Variants in ZNF480 observed in about 807,000 individuals in gnomAD.
ZNF480 encodes the protein zinc finger protein 480.
Under a neutral mutation model 14.4 loss-of-function variants are expected in ZNF480, and 15 were observed. The ratio of observed to expected loss-of-function variants is 1.04; its 90% CI spans 0.70 to 1.60. The LOEUF (loss-of-function observed/expected upper bound fraction) is 1.60, where lower values mean the gene tolerates loss of function less well. Among genes scored for constraint, ZNF480 ranks in the 40% most tolerant of loss-of-function variants. ZNF480 has a pLI of 0.00. For synonymous variants in ZNF480, 218 were observed against 215.5 expected, an observed-to-expected ratio of 1.01 and a Z score of -0.10; for missense variants, 593 against 629.7, an observed-to-expected ratio of 0.94 and a Z score of 0.62.
intron 2 of ZNF480, among the ~76,000 whole-genome samples, chr19:52,311,528 T>C (rs922789468): frequency 2.0e-5 from 3 of 152,180 alleles, no homozygotes; most frequent in Non-Finnish European, 4.4e-5. Flanking sequence ...AGTTCAACTT[T>C]CTGTGTTTTT....
At position 52,325,387 on chromosome 19, in the gene ZNF480, A is replaced by G. The variant is rs321935; in HGVS notation, c.*2529A>G. On this transcript the variant is annotated 3_prime_UTR_variant, in exon 5 of 5. Transcript: ENST00000595962. The stretch of plus-strand genomic sequence containing the variant: ...CAGCGATTTCTCAAAGACATAAAAG[A>G]ACATAGCATTCAACCCAGCATCCCA... 1 of 152,132 alleles carries G rather than the reference A, an allele frequency of 6.6e-6. No individual in the cohort carries two copies. Among genetic ancestry groups the G allele is most frequent in the East Asian group, 1.9e-4 (1 of 5,182 alleles). 9.4% of individuals were successfully genotyped at this position (152,132 alleles called of 1,614,324 possible). A position where few individuals can be genotyped will look rare whatever the true frequency, so the allele number is the denominator to read the frequency against.
At position 52,322,466 on chromosome 19, in the gene ZNF480, A is replaced by G; in HGVS notation, c.1216A>G (p.Lys406Glu). The G allele has an allele frequency of 1.2e-6, 2 of 1,614,088 alleles. No homozygotes were observed. Among genetic ancestry groups the G allele is most frequent in the Non-Finnish European group, 1.7e-6 (2 of 1,179,968 alleles). Reference protein sequence around the residue: ...EKPYKCNECGKVFNQLSNLAR... With the variant: ...EKPYKCNECGEVFNQLSNLAR... ...ACCTTACAAATGTAATGAATGTGGA[A>G]AAGTATTTAATCAACTTTCAAATCT... The change falls in exon 5 of 5, where the codon AAA becomes GAA. Residue 406 changes from lysine to glutamate, a missense_variant. Lys to Glu is a moderately conservative substitution (Grantham distance 56). Transcript: ENST00000595962.
At chr19:52,320,762 G>C (rs547850191) in intron 4 of ZNF480, among the ~76,000 whole-genome samples, 1 of 152,234 alleles carries the variant, frequency 6.6e-6, no homozygotes, top group Admixed American at 6.5e-5. Context: ...TTGTACTCCA[G>C]CCTGGGCAAC....
At chr19:52,306,620 C>A (rs887536296) in intron 2 of ZNF480, among the ~76,000 whole-genome samples, 6 of 152,208 alleles carry the variant, frequency 3.9e-5, no homozygotes, top group Non-Finnish European at 5.9e-5. Context: ...CAGCAACATT[C>A]TTTAACAGTC....
intron 2 of ZNF480, among the ~76,000 whole-genome samples, chr19:52,313,479 A>G (rs898076545): frequency 3.3e-5 from 5 of 151,534 alleles, no homozygotes; most frequent in Non-Finnish European, 7.4e-5. Context: ...GGACATTGTC[A>G]TCTCCAAAGA....
intron 2 of ZNF480, among the ~76,000 whole-genome samples, chr19:52,302,846 G>C (rs1982760769): frequency 6.6e-6 from 1 of 152,204 alleles, no homozygotes; most frequent in Non-Finnish European, 1.5e-5. Context: ...CATTAACATG[G>C]GTTAAATTGT....
rs1427543143 is a variant in ZNF480, at chr19:52,324,429, G to T, written c.*1571G>T. 6.6e-6 allele frequency: 1 copy of T among 152,032 alleles called. No homozygotes were observed. Among genetic ancestry groups the T allele is most frequent in the Non-Finnish European group, 1.5e-5 (1 of 67,986 alleles). 9.4% of individuals were successfully genotyped at this position (152,032 alleles called of 1,614,324 possible). ...AATGGCATTTTTCACAGAATCAGAA[G>T]AAAACATTCTGAAATTTATTTGGAA... On this transcript the variant is annotated 3_prime_UTR_variant, in exon 5 of 5. Coordinates refer to ENST00000595962, the MANE Select transcript of ZNF480 (RefSeq NM_144684.4).
chr19:52,322,970 G>T lies in ZNF480; in HGVS notation c.*112G>T. ...TTTGCAAATGTAAAGAATATGACAA[G>T]GTCTTCAAACACAAGTTTTTCTAAT... On this transcript the variant is annotated 3_prime_UTR_variant, in exon 5 of 5. Coordinates refer to ENST00000595962, the MANE Select transcript of ZNF480 (RefSeq NM_144684.4). 1.1e-6 allele frequency: 1 copy of T among 898,092 alleles called. No individual in the cohort carries two copies. Among genetic ancestry groups the T allele is most frequent in the Non-Finnish European group, 1.6e-6 (1 of 635,020 alleles). The allele number at this position is 898,092 out of a possible 1,614,324, so 55.6% of individuals were successfully genotyped here. A position where few individuals can be genotyped will look rare whatever the true frequency, so the allele number is the denominator to read the frequency against.
chr19:52,306,336 C>T (rs1982927296), intron 2 of ZNF480, among the ~76,000 whole-genome samples: 1 of 152,146 alleles, frequency 6.6e-6, no homozygotes, highest in Non-Finnish European at 1.5e-5. Flanking sequence ...TGTTCCCTGC[C>T]TGAAGTGATT....
At chr19:52,303,044 A>G (rs918536621) in intron 2 of ZNF480, among the ~76,000 whole-genome samples, 1 of 152,216 alleles carries the variant, frequency 6.6e-6, no homozygotes, top group African/African-American at 2.4e-5. Flanking sequence ...TGAAATCATA[A>G]CTGAGCATTT....
In ZNF480 at chr19:52,324,314, T is replaced by C. The variant is rs1983990944; in HGVS notation, c.*1456T>C. ...ATCAGAAACAATAAAAATTGAAAAA[T>C]ATCTCATGCTCATGGATAGGAAGAA... On this transcript the variant is annotated 3_prime_UTR_variant, in exon 5 of 5. Coordinates refer to ENST00000595962, the MANE Select transcript of ZNF480 (RefSeq NM_144684.4). 6.6e-6 allele frequency: 1 copy of C among 151,952 alleles called. No individual in the cohort carries two copies. The highest frequency in any genetic ancestry group is 2.4e-5 in the African/African-American group (1 of 41,374). 9.4% of individuals were successfully genotyped at this position (151,952 alleles called of 1,614,324 possible). A position where few individuals can be genotyped will look rare whatever the true frequency, so the allele number is the denominator to read the frequency against.
At chr19:52,300,877 G>T in intron 2 of ZNF480, 1 of 227,972 alleles carries the variant, frequency 4.4e-6, no homozygotes, top group Non-Finnish European at 8.8e-6. Flanking sequence ...ACAGTCTTTG[G>T]CTAATTATCT....
chr19:52,318,452 C>T (rs982066143), intron 4 of ZNF480, among the ~76,000 whole-genome samples: 1 of 152,130 alleles, frequency 6.6e-6, no homozygotes, highest in Non-Finnish European at 1.5e-5. Context: ...ATATGATATG[C>T]AAATATTTTC....
Position 52,321,649 on chromosome 19 carries a change from C to T in ZNF480, c.399C>T (p.His133=), listed in dbSNP as rs781377780. Residue 133 remains histidine (H), a synonymous_variant, in exon 5 of 5, where the codon CAC becomes CAT. Coordinates refer to ENST00000595962, the MANE Select transcript of ZNF480 (RefSeq NM_144684.4). The part of the protein sequence containing the change: ...PIKKQLGVSF[H]LHLSELELFP... ...AAAAACAACTTGGAGTATCCTTTCA[C>T]TTACATCTGTCTGAACTGGAGCTAT... 1 of 1,613,298 alleles carries T rather than the reference C, an allele frequency of 6.2e-7. No homozygotes were observed. Among genetic ancestry groups the T allele is most frequent in the South Asian group, 1.1e-5 (1 of 90,948 alleles).
chr19:52,319,785 T>C (rs170413), intron 4 of ZNF480, among the ~76,000 whole-genome samples: 4 of 151,740 alleles, frequency 2.6e-5, no homozygotes, highest in Non-Finnish European at 2.9e-5. Flanking sequence ...CTGTTTTTTG[T>C]TTTTGGTCTT....
chr19:52,309,832 C>T (rs532706332), intron 2 of ZNF480, among the ~76,000 whole-genome samples: 11 of 152,204 alleles, frequency 7.2e-5, no homozygotes, highest in South Asian at 4.1e-4. Context: ...CAAAATGGTC[C>T]GGGGCTTCCT....
intron 2 of ZNF480, among the ~76,000 whole-genome samples, chr19:52,307,958 T>C (rs1983034686): frequency 6.6e-6 from 1 of 152,218 alleles, no homozygotes; most frequent in Non-Finnish European, 1.5e-5. Flanking sequence ...GGCCAGCTTC[T>C]TTAAAGCCTG....
chr19:52,323,016 C>A lies in ZNF480; in HGVS notation c.*158C>A. 1.8e-6 allele frequency: 1 copy of A among 543,670 alleles called. No homozygotes were observed. The highest frequency in any genetic ancestry group is 3.0e-6 in the Non-Finnish European group (1 of 334,994). 33.7% of individuals were successfully genotyped at this position (543,670 alleles called of 1,614,324 possible). A position where few individuals can be genotyped will look rare whatever the true frequency, so the allele number is the denominator to read the frequency against. On this transcript the variant is annotated 3_prime_UTR_variant, in exon 5 of 5. Transcript: ENST00000595962. The stretch of plus-strand genomic sequence containing the variant: ...CTAATAACTCATTAGAGAATTTATA[C>A]TGGAGAGACTTCACAATTATAATAA...
chr19:52,316,215 T>TCTTTCTTC (rs1555798895), intron 4 of ZNF480, among the ~76,000 whole-genome samples: 3 of 151,448 alleles, frequency 2.0e-5, no homozygotes, highest in Non-Finnish European at 2.9e-5. Context: ...TTTCTTTCTT[T>TCTTTCTTC]CTTTCTTCCT....
Sources: gnomAD v4.1 joint callset for allele counts (sites outside exome capture counted in the v4.1 genomes callset) on GRCh38, gnomAD v4.1.1 for gene constraint, MANE v1.5 for transcripts, NCBI Gene and HGNC (gene_info 2026-07-23, HGNC 2026-07-21) for gene names.